TRANK1: variants seen among roughly 807,000 people sequenced by gnomAD.
TRANK1 encodes tetratricopeptide repeat and ankyrin repeat containing 1.
TRANK1 carries 198 observed loss-of-function variants against 266.0 expected under a neutral mutation model. The observed-to-expected ratio is 0.74, with a 90% CI of 0.66 to 0.84. The LOEUF (loss-of-function observed/expected upper bound fraction) is 0.84, where lower values mean the gene tolerates loss of function less well. Among genes scored for constraint, TRANK1 ranks in the 40% least tolerant of loss-of-function variants. TRANK1 has a pLI of 0.00. For missense variants in TRANK1, 3,326 were observed against 3,634.6 expected (o/e 0.92, Z 2.18); for synonymous variants, 1,396 against 1,384.1 (o/e 1.01, Z -0.19).
upstream of TRANK1, among the ~76,000 whole-genome samples, chr3:36,945,306 A>G (rs562840274): frequency 1.3e-5 from 2 of 152,252 alleles, no homozygotes; most frequent in South Asian, 2.1e-4. Flanking sequence ...GGGCCCATCA[A>G]TGTTGTCCGG....
At chr3:36,837,088 A>T (rs999049120) in intron 20 of TRANK1, among the ~76,000 whole-genome samples, 1 of 152,162 alleles carries the variant, frequency 6.6e-6, no homozygotes, top group Admixed American at 6.5e-5. Context: ...GTTCAAATCA[A>T]CCAACTTGGC....
At chr3:36,842,744 T>C (rs577264727) in intron 17 of TRANK1, 34 bp from the exon 18 acceptor site, 19 of 1,583,282 alleles carry the variant, frequency 1.2e-5, no homozygotes, top group South Asian at 2.3e-5. Context: ...TTTGCTTCTC[T>C]GGGCTTTCTT....
intron 1 of TRANK1, among the ~76,000 whole-genome samples, chr3:36,934,559 A>G (rs559258250): frequency 6.6e-6 from 1 of 152,284 alleles, no homozygotes; most frequent in South Asian, 2.1e-4. Flanking sequence ...CTATAATACC[A>G]GGGGTGTCCT....
chr3:36,833,354 G>C lies in TRANK1; in HGVS notation c.6229C>G (p.Pro2077Ala). 1.9e-6 allele frequency: 3 copies of C among 1,613,870 alleles called. No individual in the cohort carries two copies. Among genetic ancestry groups the C allele is most frequent in the Non-Finnish European group, 2.5e-6 (3 of 1,179,808 alleles). The stretch of plus-strand genomic sequence containing the variant: ...GGAGCCAGGCCCAGAATCTTCTCAG[G>C]CTCGGCCTCACACTGGCTGGCTGCT... The part of the protein sequence containing the change: ...YEAASQCEAE[P>A]EKILGLAPGG... Residue 2077 changes from proline (P) to alanine (A), a missense_variant, in exon 22 of 24, where the codon CCT becomes GCT. Transcript: ENST00000645898.
At chr3:36,837,737 A>C (rs934336778) in intron 20 of TRANK1, among the ~76,000 whole-genome samples, 8 of 152,228 alleles carry the variant, frequency 5.3e-5, no homozygotes, top group African/African-American at 1.4e-4. Context: ...GCAGACAAAT[A>C]ATAGTTTGTA....
chr3:36,907,193 G>A (rs1251536189), intron 2 of TRANK1, among the ~76,000 whole-genome samples: 3 of 152,076 alleles, frequency 2.0e-5, no homozygotes, highest in East Asian at 1.9e-4. Context: ...TCTTGTCACC[G>A]AGGCCAGAGT....
At chr3:36,843,912 C>T (rs1347112537) in intron 17 of TRANK1, among the ~76,000 whole-genome samples, 2 of 152,188 alleles carry the variant, frequency 1.3e-5, no homozygotes, top group South Asian at 2.1e-4. Flanking sequence ...GCTATGAGTG[C>T]CCCTGTGACA....
chr3:36,932,322 G>A (rs1158251346), intron 1 of TRANK1, among the ~76,000 whole-genome samples: 1 of 152,214 alleles, frequency 6.6e-6, no homozygotes, highest in Non-Finnish European at 1.5e-5. Context: ...TGTAATCCCA[G>A]CACTTTGGGA....
Position 36,855,538 on chromosome 3 carries a change from A to C in TRANK1, c.4184T>G (p.Phe1395Cys). ...KEDRSEIYSLFSLYQQIRSQK... is the reference protein window; with the variant it reads ...KEDRSEIYSLCSLYQQIRSQK... ...GGACCTGATTTGCTGATACAGACTG[A>C]AGAGGCTGTAGATCTCACTCCGGTC... Residue 1395 changes from phenylalanine to cysteine, a missense_variant, in exon 13 of 24, where the codon TTC becomes TGC. By Grantham distance (205) the Phe-to-Cys change is radical. Transcript: ENST00000645898. 4 of 1,613,906 alleles carry C rather than the reference A, an allele frequency of 2.5e-6. No homozygotes were observed. The highest frequency in any genetic ancestry group is 3.4e-6 in the Non-Finnish European group (4 of 1,179,874).
Position 36,833,825 on chromosome 3 carries a change from T to C in TRANK1, c.5758A>G (p.Ser1920Gly). 6.2e-7 allele frequency: 1 copy of C among 1,614,004 alleles called. No homozygotes were observed. The highest frequency in any genetic ancestry group is 8.5e-7 in the Non-Finnish European group (1 of 1,179,900). ...FYLEAAAKYL[S>G]ANKMKEMMAV... ...ATCATTTCCTTCATCTTATTTGCAC[T>C]CAGATACTTTGCTGCAGCTTCCAAG... The change falls in exon 22 of 24, where the codon AGT becomes GGT. Residue 1920 changes from serine (S) to glycine (G), a missense_variant. By Grantham distance (56) the Ser-to-Gly change is moderately conservative. Transcript: ENST00000645898.
intron 5 of TRANK1, among the ~76,000 whole-genome samples, chr3:36,894,575 GCTTCAGGGAGCCCATGGCTGGA>G (rs1337157630): frequency 6.6e-6 from 1 of 152,086 alleles, no homozygotes; most frequent in Non-Finnish European, 1.5e-5. Flanking sequence ...ACAGGGGTAA[GCTTCAGGGAGCCCATGGCTGGA>G]CTCCAGGAGG....
At chr3:36,915,108 C>T (rs540110084) in intron 1 of TRANK1, among the ~76,000 whole-genome samples, 1 of 152,198 alleles carries the variant, frequency 6.6e-6, no homozygotes, top group Non-Finnish European at 1.5e-5. Context: ...CCGGCCACCA[C>T]GCCCGGCTAA....
At chr3:36,850,848 A>C (rs1026270899) in intron 15 of TRANK1, 3 of 985,458 alleles carry the variant, frequency 3.0e-6, no homozygotes, top group Non-Finnish European at 1.2e-6. Context: ...TAAAGCCAAC[A>C]GTGCTCTTGA....
Position 36,861,017 on chromosome 3 carries a change from G to A in TRANK1, c.1384C>T (p.Leu462Phe). 3 of 1,537,856 alleles carry A rather than the reference G, an allele frequency of 2.0e-6. No homozygotes were observed. The highest frequency in any genetic ancestry group is 2.6e-6 in the Non-Finnish European group (3 of 1,147,048). The change falls in exon 11 of 24, where the codon CTC becomes TTC. Residue 462 changes from leucine (L) to phenylalanine (F), a missense_variant. Leu to Phe is a conservative substitution (Grantham distance 22). Transcript: ENST00000645898. ...VSGEPPLGDC[L>F]IKDCNFSDLD... ...TCTGAGAAGTTGCAGTCTTTGATGA[G>A]GCAATCCCCAAGCGGTGGTTCTCCA...
intron 1 of TRANK1, among the ~76,000 whole-genome samples, chr3:36,919,248 C>G (rs150793819): frequency 2.0e-4 from 31 of 152,338 alleles, no homozygotes; most frequent in South Asian, 2.1e-4. Flanking sequence ...CTAACTCCCA[C>G]CTGGGTGAAT....
At chr3:36,851,993 T>G in intron 14 of TRANK1, 137 bp from the exon 15 acceptor site, 1 of 1,387,002 alleles carries the variant, frequency 7.2e-7, no homozygotes, top group Non-Finnish European at 9.6e-7. Context: ...GGGGAAAGAT[T>G]GAAACACTTG....
At chr3:36,935,274 A>C (rs1333297656) in intron 1 of TRANK1, among the ~76,000 whole-genome samples, 2 of 151,952 alleles carry the variant, frequency 1.3e-5, no homozygotes, top group Non-Finnish European at 2.9e-5. Flanking sequence ...ACACCTCTAT[A>C]AGGTCCTGTG....
In TRANK1 at chr3:36,832,566, G is replaced by C; in HGVS notation, c.7017C>G (p.Leu2339=). 1 of 1,614,022 alleles carries C rather than the reference G, an allele frequency of 6.2e-7. No individual in the cohort carries two copies. The highest frequency in any genetic ancestry group is 2.2e-5 in the East Asian group (1 of 44,874). ...LWLSAMQAFL[L]SSNYPEEFEK... ...CAAACTCCTCCGGGTAGTTGGAAGA[G>C]AGAAGGAAAGCTTGCATGGCACTCA... is the stretch of plus-strand genomic sequence containing the variant. Residue 2339 remains leucine (L), a synonymous_variant, in exon 22 of 24, where the codon CTC becomes CTG. Transcript: ENST00000645898.
intron 1 of TRANK1, among the ~76,000 whole-genome samples, chr3:36,925,710 C>T (rs1460601881): frequency 6.6e-6 from 1 of 151,950 alleles, no homozygotes; most frequent in Non-Finnish European, 1.5e-5. Flanking sequence ...CCTGCCTCAG[C>T]CTCCCGAGTA....
Sources: gnomAD v4.1 joint callset for allele counts (sites outside exome capture counted in the v4.1 genomes callset) on GRCh38, gnomAD v4.1.1 for gene constraint, MANE v1.5 for transcripts, NCBI Gene and HGNC (gene_info 2026-07-23, HGNC 2026-07-21) for gene names.